Variants in ARHGAP12 observed in about 807,000 individuals in gnomAD.
The protein encoded by ARHGAP12 is Rho GTPase activating protein 12, also known as rho GTPase-activating protein 12.
ARHGAP12 carries 64 observed loss-of-function variants against 108.6 expected under a neutral mutation model. The ratio of observed to expected loss-of-function variants is 0.59; its 90% CI spans 0.48 to 0.73. The LOEUF is 0.73. Ranked by LOEUF, ARHGAP12 falls within the 30% of genes least tolerant of loss-of-function variation. The pLI is 0.00. For synonymous variants in ARHGAP12, 312 were observed against 337.2 expected (o/e 0.93, Z 0.82); for missense variants, 940 against 1,005.9 (o/e 0.93, Z 0.89).
chr10:31,922,541 C>G (rs1839868309), intron 1 of ARHGAP12, among the ~76,000 whole-genome samples: 1 of 151,846 alleles, frequency 6.6e-6, no homozygotes, highest in African/African-American at 2.4e-5. Context: ...ATAGCTGGGA[C>G]TACAGGTGCA....
chr10:31,827,513 C>T (rs747924850), intron 10 of ARHGAP12, among the ~76,000 whole-genome samples: 3 of 152,088 alleles, frequency 2.0e-5, no homozygotes, highest in Non-Finnish European at 4.4e-5. Flanking sequence ...ACCTCTAGGC[C>T]GGGTGCGGTG....
intron 1 of ARHGAP12, among the ~76,000 whole-genome samples, chr10:31,917,717 GC>G (rs1470539057): frequency 3.3e-5 from 5 of 152,106 alleles, no homozygotes; most frequent in African/African-American, 1.2e-4. Flanking sequence ...TTTAAGTCTG[GC>G]CACTGCAAAG....
At chr10:31,862,791 G>C (rs2132312096) in intron 3 of ARHGAP12, among the ~76,000 whole-genome samples, 1 of 151,606 alleles carries the variant, frequency 6.6e-6, no homozygotes, top group Non-Finnish European at 1.5e-5. Flanking sequence ...AGACACTGAT[G>C]AATGTCCCTT....
intron 14 of ARHGAP12, among the ~76,000 whole-genome samples, chr10:31,813,866 T>G (rs1224375709): frequency 6.6e-6 from 1 of 152,188 alleles, no homozygotes; most frequent in Non-Finnish European, 1.5e-5. Flanking sequence ...TGGTGTCCAG[T>G]AGGAAATTAT....
intron 3 of ARHGAP12, among the ~76,000 whole-genome samples, chr10:31,872,925 C>T (rs922228429): frequency 7.2e-5 from 11 of 152,080 alleles, no homozygotes; most frequent in Non-Finnish European, 1.5e-4. Context: ...TTTACTTTAT[C>T]CTTCTGAGAT....
At chr10:31,858,584 T>A (rs1266747636) in intron 4 of ARHGAP12, among the ~76,000 whole-genome samples, 1 of 152,076 alleles carries the variant, frequency 6.6e-6, no homozygotes, top group East Asian at 1.9e-4. Flanking sequence ...CTCTACCCAC[T>A]AGAGATCAGT....
intron 3 of ARHGAP12, among the ~76,000 whole-genome samples, chr10:31,885,818 C>CA (rs766985293): frequency 0.02 from 2,087 of 102,668 alleles, 20 homozygotes; most frequent in Non-Finnish European, 0.029. Flanking sequence ...GACACCAACT[C>CA]AAAAAAAAAA....
At position 31,908,555 on chromosome 10, in the gene ARHGAP12, G is replaced by C. The variant is rs1396593284; in HGVS notation, c.301C>G (p.Gln101Glu). 3 of 1,614,056 alleles carry C rather than the reference G, an allele frequency of 1.9e-6. No homozygotes were observed. Among genetic ancestry groups the C allele is most frequent in the Non-Finnish European group, 2.5e-6 (3 of 1,180,020 alleles). ...STKIMQSLHL[Q>E]RSTENVNKLP... The stretch of plus-strand genomic sequence containing the variant: ...TTGTTCACATTTTCTGTTGATCTCT[G>C]AAGATGCAAACTCTGCATTATTTTC... Residue 101 changes from glutamine (Q) to glutamate (E), a missense_variant, in exon 3 of 20, where the codon CAG becomes GAG. Gln to Glu is a conservative substitution (Grantham distance 29). Coordinates refer to ENST00000344936, the MANE Select transcript of ARHGAP12 (RefSeq NM_018287.7).
At chr10:31,826,493 G>T in intron 10 of ARHGAP12, 108 bp from the exon 11 acceptor site, 1 of 782,672 alleles carries the variant, frequency 1.3e-6, no homozygotes. Flanking sequence ...ACAATTTACA[G>T]CCTTGTTGAC....
intron 3 of ARHGAP12, among the ~76,000 whole-genome samples, chr10:31,864,397 C>G (rs188033944): frequency 1.3e-5 from 2 of 152,116 alleles, no homozygotes; most frequent in East Asian, 3.9e-4. Context: ...TCCTCAGGTA[C>G]CTAAAATTAA....
At chr10:31,809,477 A>G in intron 16 of ARHGAP12, 170 bp from the exon 17 acceptor site, 1 of 609,392 alleles carries the variant, frequency 1.6e-6, no homozygotes, top group South Asian at 1.9e-5. Context: ...CAGGGGAGAG[A>G]GATGGAGATT....
At chr10:31,838,830 C>CAAAAAAAAA (rs34471173) in intron 9 of ARHGAP12, among the ~76,000 whole-genome samples, 2 of 102,720 alleles carry the variant, frequency 1.9e-5, no homozygotes, top group African/African-American at 7.8e-5. Flanking sequence ...GGCTCCATCT[C>CAAAAAAAAA]AAAAAAAAAA....
intron 7 of ARHGAP12, among the ~76,000 whole-genome samples, chr10:31,842,926 A>G (rs1044105077): frequency 1.3e-5 from 2 of 152,130 alleles, no homozygotes; most frequent in African/African-American, 4.8e-5. Flanking sequence ...TTTGAAACAG[A>G]GGACATTACT....
At chr10:31,859,826 A>G (rs1420503062) in intron 4 of ARHGAP12, among the ~76,000 whole-genome samples, 3 of 147,802 alleles carry the variant, frequency 2.0e-5, no homozygotes, top group Admixed American at 6.8e-5. Context: ...ATAGAGTCTC[A>G]CTCTGTTGCC....
At position 31,908,297 on chromosome 10, in the gene ARHGAP12, C is replaced by G. The variant is rs866743889; in HGVS notation, c.559G>C (p.Asp187His). 3.1e-6 allele frequency: 5 copies of G among 1,614,120 alleles called. 1 individual carries two copies. The highest frequency in any genetic ancestry group is 3.3e-4 in the Middle Eastern group (2 of 6,062). Residue 187 changes from aspartate to histidine, a missense_variant, in exon 3 of 20, where the codon GAT (aspartate) becomes CAT (histidine). Physicochemically the swap from Asp to His is moderately conservative, Grantham distance 81. Transcript: ENST00000344936. The stretch of plus-strand genomic sequence containing the variant: ...TGGGAGAAGCTAGTTTTCTCTACAT[C>G]CAAGAACTCTGGACCGGGAAAATGA... ...FGHFPGPEFL[D>H]VEKTSFSQEQ...
chr10:31,818,322 C>T (rs1404115345), intron 12 of ARHGAP12, among the ~76,000 whole-genome samples: 1 of 152,024 alleles, frequency 6.6e-6, no homozygotes, highest in Admixed American at 6.6e-5. Flanking sequence ...AGAAAGAATA[C>T]ATAAAGACTT....
intron 3 of ARHGAP12, among the ~76,000 whole-genome samples, chr10:31,903,307 A>G (rs932236049): frequency 1.3e-5 from 2 of 152,212 alleles, no homozygotes; most frequent in Admixed American, 6.5e-5. Context: ...TTGTGCATCT[A>G]AACATAGAAA....
chr10:31,902,329 CAAA>C (rs1337648963), intron 3 of ARHGAP12, among the ~76,000 whole-genome samples: 15 of 97,454 alleles, frequency 1.5e-4, no homozygotes, highest in Non-Finnish European at 1.5e-4. Context: ...TATCCATAGG[CAAA>C]AAAAAAAAAA....
chr10:31,886,044 CTAAT>C (rs1838176152), intron 3 of ARHGAP12, among the ~76,000 whole-genome samples: 1 of 152,090 alleles, frequency 6.6e-6, no homozygotes, highest in South Asian at 2.1e-4. Flanking sequence ...AGACTTCAAA[CTAAT>C]TGTTGTGATA....
Sources: allele counts gnomAD v4.1 joint callset (sites outside exome capture counted in the v4.1 genomes callset), GRCh38; gene constraint gnomAD v4.1.1; transcripts MANE v1.5; gene names NCBI Gene and HGNC (gene_info 2026-07-23, HGNC 2026-07-21).